DOCK3: variants seen among roughly 807,000 people sequenced by gnomAD.
The protein encoded by DOCK3 is dedicator of cytokinesis protein 3.
Under a neutral mutation model 265.6 loss-of-function variants are expected in DOCK3, and 60 were observed. That is an observed-to-expected ratio of 0.23 (90% CI 0.18 to 0.28). The LOEUF is 0.28. Ranked by LOEUF, DOCK3 falls within the 10% of genes least tolerant of loss-of-function variation. The pLI, the probability that DOCK3 is intolerant of heterozygous loss-of-function variation, is 1.00. For missense variants in DOCK3, 1,981 were observed against 2,594.3 expected (o/e 0.76, Z 5.14); for synonymous variants, 881 against 938.0 (o/e 0.94, Z 1.11).
At chr3:51,085,680 G>C (rs984227366) in intron 7 of DOCK3, among the ~76,000 whole-genome samples, 3 of 152,110 alleles carry the variant, frequency 2.0e-5, no homozygotes, top group Non-Finnish European at 4.4e-5. Flanking sequence ...GCAGTACTAA[G>C]AGGGAAGTTT....
intron 9 of DOCK3, among the ~76,000 whole-genome samples, chr3:51,127,617 T>C (rs1433960570): frequency 6.6e-6 from 1 of 152,238 alleles, no homozygotes; most frequent in Non-Finnish European, 1.5e-5. Flanking sequence ...AGTGTATACA[T>C]GCACAAGTGT....
chr3:50,925,383 A>G (rs1029789101), intron 4 of DOCK3, among the ~76,000 whole-genome samples: 1 of 152,150 alleles, frequency 6.6e-6, no homozygotes, highest in Non-Finnish European at 1.5e-5. Flanking sequence ...TAGACAAAGC[A>G]TTTTATTTGG....
chr3:51,067,974 T>C (rs989545935), intron 6 of DOCK3, among the ~76,000 whole-genome samples: 1 of 152,244 alleles, frequency 6.6e-6, no homozygotes, highest in Admixed American at 6.5e-5. Context: ...CCACCACACT[T>C]TTATAAATGC....
At chr3:51,167,921 T>TG (rs1189191219) in intron 12 of DOCK3, among the ~76,000 whole-genome samples, 1 of 152,208 alleles carries the variant, frequency 6.6e-6, no homozygotes, top group East Asian at 1.9e-4. Flanking sequence ...CCAGTCTGGA[T>TG]GTGTCTAATT....
chr3:51,227,834 C>A, intron 16 of DOCK3, 148 bp from the exon 17 acceptor site: 1 of 789,424 alleles, frequency 1.3e-6, no homozygotes, highest in Non-Finnish European at 2.1e-6. Context: ...CATTTCAGCA[C>A]ATTTCTCATC....
intron 4 of DOCK3, among the ~76,000 whole-genome samples, chr3:50,913,217 C>A (rs531111225): frequency 6.6e-6 from 1 of 152,074 alleles, no homozygotes; most frequent in South Asian, 2.1e-4. Flanking sequence ...GGGTTTTCTT[C>A]TGGCCTGGGT....
chr3:51,118,973 A>G (rs893977021), intron 9 of DOCK3, among the ~76,000 whole-genome samples: 1 of 152,092 alleles, frequency 6.6e-6, no homozygotes, highest in Non-Finnish European at 1.5e-5. Flanking sequence ...GCCCATTTAC[A>G]TTTAAGGTTA....
chr3:50,836,610 C>T (rs1347096654), intron 2 of DOCK3, among the ~76,000 whole-genome samples: 1 of 152,150 alleles, frequency 6.6e-6, no homozygotes, highest in African/African-American at 2.4e-5. Flanking sequence ...TCCTAGGCGT[C>T]TGGGCCTGTG....
At chr3:50,702,679 A>G (rs2036129857) in intron 1 of DOCK3, among the ~76,000 whole-genome samples, 1 of 150,940 alleles carries the variant, frequency 6.6e-6, no homozygotes, top group Non-Finnish European at 1.5e-5. Context: ...TGATTGTTGT[A>G]TGTTCGTTTT....
intron 4 of DOCK3, among the ~76,000 whole-genome samples, chr3:50,911,116 T>C (rs1472215926): frequency 2.6e-5 from 4 of 152,130 alleles, no homozygotes; most frequent in African/African-American, 9.7e-5. Flanking sequence ...GGTTGTCTTT[T>C]CACTTTCTTG....
chr3:50,787,058 A>G, intron 2 of DOCK3: 2 of 737,306 alleles, frequency 2.7e-6, no homozygotes, highest in East Asian at 2.5e-5. Flanking sequence ...ATATCCATGG[A>G]CGATCTTGAT....
chr3:51,133,326 A>T (rs1203124624), intron 9 of DOCK3, among the ~76,000 whole-genome samples: 1 of 69,936 alleles, frequency 1.4e-5, no homozygotes, highest in Non-Finnish European at 2.6e-5. Flanking sequence ...CCCCCACCCC[A>T]TGACAGGCCC....
intron 5 of DOCK3, among the ~76,000 whole-genome samples, chr3:51,033,254 G>A (rs1417440626): frequency 6.6e-5 from 10 of 152,198 alleles, no homozygotes; most frequent in Non-Finnish European, 1.5e-4. Context: ...GCATTTTTCT[G>A]CTAAAGCTTT....
intron 19 of DOCK3, among the ~76,000 whole-genome samples, chr3:51,232,046 A>G (rs2078142882): frequency 6.6e-6 from 1 of 152,208 alleles, no homozygotes; most frequent in Middle Eastern, 3.2e-3. Context: ...ATACTGCCTG[A>G]GGAAGAATGT....
intron 9 of DOCK3, among the ~76,000 whole-genome samples, chr3:51,130,898 G>C (rs1203376413): frequency 2.0e-5 from 3 of 152,104 alleles, no homozygotes; most frequent in Non-Finnish European, 1.5e-5. Context: ...AGTAGAGATG[G>C]GGTTTCACGG....
intron 4 of DOCK3, among the ~76,000 whole-genome samples, chr3:50,908,417 A>G (rs955562628): frequency 1.3e-5 from 2 of 152,008 alleles, no homozygotes; most frequent in Non-Finnish European, 2.9e-5. Context: ...AGATTCTGTT[A>G]CATTGTCTCT....
intron 23 of DOCK3, among the ~76,000 whole-genome samples, chr3:51,265,589 A>G (rs1462907153): frequency 6.6e-6 from 1 of 152,216 alleles, no homozygotes; most frequent in African/African-American, 2.4e-5. Flanking sequence ...AACAGAACCA[A>G]TGACAAAAAC....
chr3:51,298,344 T>C (rs1379975841), intron 27 of DOCK3, among the ~76,000 whole-genome samples: 4 of 152,238 alleles, frequency 2.6e-5, no homozygotes, highest in African/African-American at 4.8e-5. Flanking sequence ...TTTTCTTTCT[T>C]GGTCAATGCA....
chr3:50,793,006 T>A (rs147268914), intron 2 of DOCK3, among the ~76,000 whole-genome samples: 100 of 152,346 alleles, frequency 6.6e-4, no homozygotes, highest in African/African-American at 2.4e-3. Context: ...TTTGTACATC[T>A]GTTAGAATTT....
Sources: gnomAD v4.1 joint callset for allele counts (sites outside exome capture counted in the v4.1 genomes callset) on GRCh38, gnomAD v4.1.1 for gene constraint, MANE v1.5 for transcripts, NCBI Gene and HGNC (gene_info 2026-07-23, HGNC 2026-07-21) for gene names.